PARD3B: variants seen among roughly 807,000 people sequenced by gnomAD.
PARD3B encodes the protein par-3 family cell polarity regulator beta.
Under a neutral mutation model 130.2 loss-of-function variants are expected in PARD3B, and 103 were observed. The observed-to-expected ratio is 0.79, with a 90% CI of 0.67 to 0.93. PARD3B has a LOEUF of 0.93. Ranked by LOEUF, PARD3B falls within the 40% of genes least tolerant of loss-of-function variation. The pLI is 0.00. For synonymous variants in PARD3B, 583 were observed against 553.2 expected (o/e 1.05, Z -0.76); for missense variants, 1,609 against 1,499.2 (o/e 1.07, Z -1.21).
At chr2:205,535,169 G>A (rs936281460) in intron 21 of PARD3B, among the ~76,000 whole-genome samples, 1 of 151,962 alleles carries the variant, frequency 6.6e-6, no homozygotes, top group African/African-American at 2.4e-5. Context: ...TCCCACCTGC[G>A]AACTCTGCAT....
intron 13 of PARD3B, among the ~76,000 whole-genome samples, chr2:205,181,593 A>C (rs942954051): frequency 6.6e-6 from 1 of 152,186 alleles, no homozygotes; most frequent in Admixed American, 6.5e-5. Flanking sequence ...ATTCAGTAAA[A>C]CTTTATTTGC....
intron 15 of PARD3B, among the ~76,000 whole-genome samples, chr2:205,225,479 G>T (rs1380514281): frequency 3.3e-5 from 5 of 151,984 alleles, no homozygotes. Context: ...GGAGTTGTTT[G>T]AGCTCTTTAT....
rs954201029 is a variant in PARD3B at position 205,591,936 on chromosome 2, C to T, written c.3261-23520C>T. 6.6e-6 allele frequency among the ~76,000 whole-genome samples: 1 copy of T among 152,164 alleles called. No homozygotes were observed. The highest frequency in any genetic ancestry group is 2.1e-4 in the South Asian group (1 of 4,830). On this transcript the variant is annotated intron_variant, in intron 22 of 22. Transcript: ENST00000406610. This position sits in a 1 kb window ranked among gnomAD's most constrained non-coding sequence, Gnocchi z 4.2. ...TGGTCCAGCAGGGAACGAAGACACC[C>T]AGGCATGGACATTAAGATTCAAGGC...
At chr2:204,820,197 T>G (rs926214288) in intron 2 of PARD3B, among the ~76,000 whole-genome samples, 2 of 146,742 alleles carry the variant, frequency 1.4e-5, no homozygotes, top group Non-Finnish European at 3.0e-5. Context: ...TGCCTCAGCC[T>G]CCCAAGCAGC....
intron 1 of PARD3B, among the ~76,000 whole-genome samples, chr2:204,685,767 T>C (rs1235746763): frequency 6.6e-6 from 1 of 152,194 alleles, no homozygotes; most frequent in Non-Finnish European, 1.5e-5. Context: ...CATCACAGAT[T>C]CTGCCTTTAG....
In PARD3B at chr2:205,405,699, T is replaced by C. The variant is rs1389952170; in HGVS notation, c.2741+4576T>C. Reference sequence around the variant, plus strand: ...GATCAGATTGTGGTTGCCACAAAACTTCAGGGGTTGACAATATGTCCGATG... The same window carrying C: ...GATCAGATTGTGGTTGCCACAAAACCTCAGGGGTTGACAATATGTCCGATG... On this transcript the variant is annotated intron_variant, in intron 19 of 22. Transcript: ENST00000406610. The surrounding 1 kb of genome is among the most constrained non-coding windows in gnomAD (Gnocchi z 4.1). Among the ~76,000 whole-genome samples, 2 of 152,156 alleles carry C rather than the reference T, an allele frequency of 1.3e-5. No homozygotes were observed. Among genetic ancestry groups the C allele is most frequent in the Non-Finnish European group, 2.9e-5 (2 of 68,036 alleles).
intron 4 of PARD3B, among the ~76,000 whole-genome samples, chr2:205,096,441 C>G (rs906061652): frequency 1.3e-5 from 2 of 152,118 alleles, no homozygotes; most frequent in Admixed American, 1.3e-4. Context: ...GCATCTCTTG[C>G]AGACACACCA....
rs370226962 is a variant in PARD3B, at chr2:205,542,816, A to G, written c.3181-10508A>G. Reference sequence around the variant, plus strand: ...GATTTATACTCCAGATCTGAGTTCAAATCTAAATTGTTAGACTATTTATAG... The same window carrying G: ...GATTTATACTCCAGATCTGAGTTCAGATCTAAATTGTTAGACTATTTATAG... On this transcript the variant is annotated intron_variant, in intron 21 of 22. Transcript: ENST00000406610. Among the ~76,000 whole-genome samples, 9 of 152,224 alleles carry G rather than the reference A, an allele frequency of 5.9e-5. 1 individual carries two copies. Among genetic ancestry groups the G allele is most frequent in the African/African-American group, 2.2e-4 (9 of 41,462 alleles).
chr2:204,742,650 C>A (rs1207662266), intron 2 of PARD3B, among the ~76,000 whole-genome samples: 3 of 152,178 alleles, frequency 2.0e-5, no homozygotes, highest in Non-Finnish European at 4.4e-5. Context: ...CTCATTGATA[C>A]CTTTGCCTTT....
At chr2:205,002,855 G>C (rs1161563424) in intron 3 of PARD3B, among the ~76,000 whole-genome samples, 2 of 152,174 alleles carry the variant, frequency 1.3e-5, no homozygotes, top group Admixed American at 6.5e-5. Flanking sequence ...GACTTCGTAT[G>C]AATTTATTGT....
intron 22 of PARD3B, among the ~76,000 whole-genome samples, chr2:205,582,134 G>A (rs1391860925): frequency 6.6e-6 from 1 of 152,190 alleles, no homozygotes; most frequent in Non-Finnish European, 1.5e-5. Context: ...CAGTGAGCAG[G>A]TTGCAAGGCT....
At chr2:205,248,583 T>C (rs2039676754) in intron 16 of PARD3B, among the ~76,000 whole-genome samples, 1 of 150,480 alleles carries the variant, frequency 6.6e-6, no homozygotes, top group Non-Finnish European at 1.5e-5. Context: ...CTTATAAATC[T>C]CTACTTGTCT....
At chr2:205,596,915 G>A (rs1318643325) in intron 22 of PARD3B, among the ~76,000 whole-genome samples, 2 of 152,078 alleles carry the variant, frequency 1.3e-5, no homozygotes, top group African/African-American at 4.8e-5. Flanking sequence ...AGAATTGGGA[G>A]GTACTAATGT....
chr2:204,982,025 T>A (rs532101334), intron 3 of PARD3B, among the ~76,000 whole-genome samples: 2 of 152,276 alleles, frequency 1.3e-5, no homozygotes, highest in South Asian at 4.2e-4. Context: ...TGGAGTTATG[T>A]AACCACCAAA....
At chr2:204,803,144 GAAAAA>G (rs67190837) in intron 2 of PARD3B, among the ~76,000 whole-genome samples, 12,611 of 119,948 alleles carry the variant, frequency 0.11, 820 homozygotes, top group African/African-American at 0.19. Context: ...AGTGCTGAAG[GAAAAA>G]AAAAAAAAAA....
At chr2:205,613,044 CCTGT>C (rs2055292918) in intron 22 of PARD3B, among the ~76,000 whole-genome samples, 1 of 152,154 alleles carries the variant, frequency 6.6e-6, no homozygotes, top group South Asian at 2.1e-4. Flanking sequence ...ACAAGGCGTG[CCTGT>C]CTTTTATAAT....
In PARD3B at chr2:205,488,098, T is replaced by C. The variant is rs149181134; in HGVS notation, c.3045-11798T>C. Among the ~76,000 whole-genome samples, 11 of 152,332 alleles carry C rather than the reference T, an allele frequency of 7.2e-5. No homozygotes were observed. In the East Asian group the frequency reaches 2.1e-3, roughly 29 times the overall value. ...GAGTCCTTTGAGAAAACCTATAGTA[T>C]TCCAAGTGGAGTCATGTCTTAAACA... On this transcript the variant is annotated intron_variant, in intron 20 of 22. Coordinates refer to ENST00000406610, the MANE Select transcript of PARD3B (RefSeq NM_001302769.2).
intron 10 of PARD3B, among the ~76,000 whole-genome samples, chr2:205,139,789 A>T (rs2032797263): frequency 6.6e-6 from 1 of 152,176 alleles, no homozygotes; most frequent in Non-Finnish European, 1.5e-5. Flanking sequence ...TGTCACTATT[A>T]TTTGTGCCCT....
intron 21 of PARD3B, among the ~76,000 whole-genome samples, chr2:205,511,305 C>G (rs1011302322): frequency 3.3e-5 from 5 of 152,020 alleles, no homozygotes; most frequent in African/African-American, 1.2e-4. Context: ...TAGCAAAGAG[C>G]AGAAAAAGGA....
Sources: allele counts gnomAD v4.1 joint callset (sites outside exome capture counted in the v4.1 genomes callset), GRCh38; gene constraint gnomAD v4.1.1; non-coding constraint Gnocchi (gnomAD v3.1); transcripts MANE v1.5; gene names NCBI Gene and HGNC (gene_info 2026-07-23, HGNC 2026-07-21).